CACNA2D3: variants seen among roughly 807,000 people sequenced by gnomAD.
CACNA2D3 encodes calcium voltage-gated channel auxiliary subunit alpha2delta 3.
In CACNA2D3, 60 loss-of-function variants were observed where a neutral mutation model predicts 160.6. The ratio of observed to expected loss-of-function variants is 0.37; its 90% CI spans 0.30 to 0.46. The LOEUF (loss-of-function observed/expected upper bound fraction) is 0.46. CACNA2D3 is among the 20% of genes least tolerant of loss of function. The pLI is 1.00. For missense variants in CACNA2D3, 1,205 were observed against 1,365.0 expected (o/e 0.88, Z 1.85); for synonymous variants, 558 against 492.9 (o/e 1.13, Z -1.75).
intron 35 of CACNA2D3, among the ~76,000 whole-genome samples, chr3:55,041,709 TG>T (rs1185183240): frequency 6.6e-6 from 1 of 152,100 alleles, no homozygotes; most frequent in East Asian, 1.9e-4. Flanking sequence ...CTATTTTCTT[TG>T]GGTTTATTTG....
At chr3:54,702,049 G>T (rs1700776412) in intron 11 of CACNA2D3, among the ~76,000 whole-genome samples, 1 of 152,110 alleles carries the variant, frequency 6.6e-6, no homozygotes, top group African/African-American at 2.4e-5. Context: ...GGGATAATTG[G>T]CTATCTGCAT....
intron 11 of CACNA2D3, among the ~76,000 whole-genome samples, chr3:54,653,612 T>C (rs1027927949): frequency 1.3e-5 from 2 of 152,190 alleles, no homozygotes; most frequent in Non-Finnish European, 1.5e-5. Context: ...GTCTCTGGTT[T>C]AATTACTTCT....
intron 12 of CACNA2D3, among the ~76,000 whole-genome samples, chr3:54,763,733 A>ATGTGTATATATGTACATATATATATATAT (rs1553838433): frequency 1.4e-5 from 1 of 72,410 alleles, no homozygotes; most frequent in South Asian, 4.9e-4. Flanking sequence ...ATACATATAT[A>ATGTGTATATATGTACATATATATATATAT]TGTGTATATA....
intron 11 of CACNA2D3, among the ~76,000 whole-genome samples, chr3:54,718,742 T>A (rs1701111252): frequency 1.3e-5 from 2 of 152,086 alleles, no homozygotes; most frequent in Admixed American, 1.3e-4. Flanking sequence ...TGCGATTGAG[T>A]TGAATGTAAA....
At position 54,846,940 on chromosome 3, in the gene CACNA2D3, A is replaced by G. The variant is rs371853501; in HGVS notation, c.1626+473A>G. ...ATTACTTAAGCCCAGTGTCTTGTGG[A>G]TAGAAGCTATTCAACAGCTTTTTTG... is the stretch of plus-strand genomic sequence containing the variant. On this transcript the variant is annotated intron_variant, in intron 17 of 37. Coordinates refer to ENST00000474759, the MANE Select transcript of CACNA2D3 (RefSeq NM_018398.3). Among the ~76,000 whole-genome samples the G allele has an allele frequency of 1.1e-4, 17 of 152,378 alleles. No homozygotes were observed. In the East Asian group the frequency reaches 2.9e-3, roughly 26 times the overall value.
chr3:54,826,892 T>A lies in CACNA2D3; in HGVS notation c.1398+10022T>A, dbSNP rs575193864. ...TTTGGATTTCAAAGAAGCATAAGAATTTCTCTGGCCTAGTCTGGAATGGTC... is the reference window on the plus strand; with the variant it reads ...TTTGGATTTCAAAGAAGCATAAGAAATTCTCTGGCCTAGTCTGGAATGGTC... On this transcript the variant is annotated intron_variant, in intron 14 of 37. Coordinates refer to ENST00000474759, the MANE Select transcript of CACNA2D3 (RefSeq NM_018398.3). Among the ~76,000 whole-genome samples, 140 of 152,344 alleles carry A rather than the reference T, an allele frequency of 9.2e-4. 1 individual carries two copies. Among genetic ancestry groups the A allele is most frequent in the Admixed American group, 8.6e-3 (131 of 15,298 alleles).
In CACNA2D3 at chr3:54,871,530, C is replaced by G. The variant is rs776240200; in HGVS notation, c.1627-9C>G. 1.9e-6 allele frequency: 3 copies of G among 1,603,180 alleles called. No homozygotes were observed. The Admixed American group carries it at 5.0e-5, about 27-fold the overall frequency. ...GTTTTTCTTTTCTTTTTCTTCTTCC[C>G]CTTGCTAGTACGAAGAAGGAAAAAA... On this transcript the variant is annotated splice_polypyrimidine_tract_variant and intron_variant, in intron 17 of 37. Transcript: ENST00000474759.
chr3:54,741,456 CA>C (rs1701646602), intron 11 of CACNA2D3, among the ~76,000 whole-genome samples: 1 of 152,088 alleles, frequency 6.6e-6, no homozygotes, highest in South Asian at 2.1e-4. Flanking sequence ...GTGAGACTTA[CA>C]AAGATCAAGT....
chr3:54,573,850 C>T (rs1203172056), intron 8 of CACNA2D3, among the ~76,000 whole-genome samples: 2 of 152,214 alleles, frequency 1.3e-5, no homozygotes, highest in African/African-American at 2.4e-5. Flanking sequence ...AATTTTGCCT[C>T]GTTGAATTCT....
intron 27 of CACNA2D3, among the ~76,000 whole-genome samples, chr3:54,913,508 C>T (rs6772576): frequency 0.43 from 65,699 of 151,956 alleles, 15,489 homozygotes; most frequent in East Asian, 0.75. Flanking sequence ...AGTTTCTTCC[C>T]CTCTCATTTG....
At chr3:54,595,628 A>G (rs765623741) in intron 9 of CACNA2D3, among the ~76,000 whole-genome samples, 5 of 152,124 alleles carry the variant, frequency 3.3e-5, no homozygotes, top group Non-Finnish European at 7.4e-5. Context: ...TCACCTGAGC[A>G]TCCTGTCGAC....
chr3:54,880,844 G>T lies in CACNA2D3; in HGVS notation c.1893G>T (p.Gly631=), dbSNP rs267599906. The T allele has an allele frequency of 1.2e-6, 2 of 1,613,832 alleles. No individual in the cohort carries two copies. The highest frequency in any genetic ancestry group is 1.7e-6 in the Non-Finnish European group (2 of 1,179,752). The change falls in exon 21 of 38, where the codon GGG becomes GGT. Residue 631 remains glycine, a synonymous_variant. Coordinates refer to ENST00000474759, the MANE Select transcript of CACNA2D3 (RefSeq NM_018398.3). ...GTCATGGGAAATATTTCTTCCGAGG[G>T]AATGTAACCATCGAAGAAGGTAAGA... ...SRGHGKYFFR[G]NVTIEEGLHD...
At chr3:54,498,396 C>T (rs979988223) in intron 4 of CACNA2D3, among the ~76,000 whole-genome samples, 2 of 151,904 alleles carry the variant, frequency 1.3e-5, no homozygotes, top group African/African-American at 4.8e-5. Context: ...ATTCCCTTAT[C>T]CTTTCATTAT....
intron 17 of CACNA2D3, among the ~76,000 whole-genome samples, chr3:54,858,579 C>G (rs1699219278): frequency 6.6e-6 from 1 of 152,188 alleles, no homozygotes; most frequent in South Asian, 2.1e-4. Flanking sequence ...ACTGCAAATT[C>G]CAGGAAAGTT....
chr3:54,994,117 G>A (rs1440791475), intron 31 of CACNA2D3, among the ~76,000 whole-genome samples: 2 of 152,028 alleles, frequency 1.3e-5, no homozygotes. Context: ...GGCAGCTTCT[G>A]CTATTTAAAT....
chr3:55,031,951 C>T (rs974091342), intron 35 of CACNA2D3, among the ~76,000 whole-genome samples: 1 of 152,082 alleles, frequency 6.6e-6, no homozygotes, highest in Non-Finnish European at 1.5e-5. Flanking sequence ...ACGAGTGATT[C>T]CATTTCTATT....
intron 9 of CACNA2D3, among the ~76,000 whole-genome samples, chr3:54,617,951 GTTTTT>G (rs113051962): frequency 7.0e-6 from 1 of 142,542 alleles, no homozygotes; most frequent in Non-Finnish European, 1.5e-5. Flanking sequence ...TAGAGTTTGG[GTTTTT>G]TTTTTTTTTA....
chr3:54,129,529 G>A (rs185856645), intron 2 of CACNA2D3, among the ~76,000 whole-genome samples: 4 of 152,218 alleles, frequency 2.6e-5, no homozygotes, highest in African/African-American at 7.2e-5. Flanking sequence ...AACTATTGGC[G>A]CACATTTCAA....
chr3:54,862,481 A>G (rs1477226027), intron 17 of CACNA2D3, among the ~76,000 whole-genome samples: 2 of 152,230 alleles, frequency 1.3e-5, no homozygotes, highest in African/African-American at 2.4e-5. Flanking sequence ...GGCATAAATC[A>G]GGTAATGGCA....
Sources: allele counts gnomAD v4.1 joint callset (sites outside exome capture counted in the v4.1 genomes callset), GRCh38; gene constraint gnomAD v4.1.1; transcripts MANE v1.5; gene names NCBI Gene and HGNC (gene_info 2026-07-23, HGNC 2026-07-21).